The following RAB25 variants were observed in gnomAD, a reference collection of about 807,000 sequenced individuals.
RAB25 encodes ras-related protein Rab-25.
A neutral mutation model predicts 25.2 loss-of-function variants in RAB25; 23 were observed. That is an observed-to-expected ratio of 0.91 (90% CI 0.66 to 1.29). The LOEUF (loss-of-function observed/expected upper bound fraction) is 1.29. Among genes scored for constraint, RAB25 ranks in the 50% most tolerant of loss-of-function variants. The pLI is 0.00. For missense variants in RAB25, 244 were observed against 277.3 expected (o/e 0.88, Z 0.85); for synonymous variants, 102 against 111.5 (o/e 0.91, Z 0.54).
At chr1:156,066,488 A>G (rs1572293274) in intron 2 of RAB25, among the ~76,000 whole-genome samples, 1 of 152,206 alleles carries the variant, frequency 6.6e-6, no homozygotes, top group East Asian at 1.9e-4. Flanking sequence ...GATGGGGGCG[A>G]GCTGCACGGA....
chr1:156,069,394 C>T (rs1355496128), intron 3 of RAB25, among the ~76,000 whole-genome samples: 24 of 151,864 alleles, frequency 1.6e-4, no homozygotes, highest in African/African-American at 5.3e-4. Context: ...TTGGCCAAGC[C>T]GGTCTTGAAC....
chr1:156,062,150 G>A (rs1190355644), intron 1 of RAB25, among the ~76,000 whole-genome samples: 1 of 152,182 alleles, frequency 6.6e-6, no homozygotes, highest in African/African-American at 2.4e-5. Context: ...CTGGGCAGGT[G>A]TACAGGGAAC....
In RAB25 at chr1:156,065,257, G is replaced by A. The variant is rs910556943; in HGVS notation, c.44-654G>A. Among the ~76,000 whole-genome samples the A allele has an allele frequency of 2.0e-5, 3 of 152,110 alleles. 1 individual carries two copies. In the South Asian group the frequency reaches 6.2e-4, roughly 32 times the overall value. The stretch of plus-strand genomic sequence containing the variant: ...GCTCAGATTGGTTAAATAACTTGCC[G>A]AAGGACACATAGCTGGTCTAACACC... On this transcript the variant is annotated intron_variant, in intron 1 of 4. Coordinates refer to ENST00000361084, the MANE Select transcript of RAB25 (RefSeq NM_020387.4).
At chr1:156,061,513 G>A (rs1287312931) in intron 1 of RAB25, 70 bp downstream of exon 1, 3 of 1,511,896 alleles carry the variant, frequency 2.0e-6, no homozygotes, top group Non-Finnish European at 2.8e-6. Context: ...AGCCAGAGAG[G>A]GCCCCCTCCT....
At chr1:156,070,120 C>T in intron 4 of RAB25, 40 bp from the exon 5 acceptor site, 2 of 1,614,012 alleles carry the variant, frequency 1.2e-6, no homozygotes, top group Non-Finnish European at 1.7e-6. Flanking sequence ...AGCATGGGCT[C>T]TAAATCTTCT....
At chr1:156,066,131 T>C in intron 2 of RAB25, 25 bp downstream of exon 2, 1 of 1,417,878 alleles carries the variant, frequency 7.1e-7, no homozygotes, top group Non-Finnish European at 9.3e-7. Context: ...GGGGGGCTGC[T>C]GGGTGGTGGG....
rs1647852648 is a variant in RAB25, at chr1:156,069,758, G to A, written c.514+7G>A. 6.2e-7 allele frequency: 1 copy of A among 1,601,614 alleles called. No individual in the cohort carries two copies. Among genetic ancestry groups the A allele is most frequent in the African/African-American group, 1.3e-5 (1 of 74,592 alleles). ...TTTGAGACTGTCCTGAAAGGTTAGA[G>A]CCTACCTTTATTCTGCACCCCTATT... On this transcript the variant is annotated splice_region_variant and intron_variant, in intron 4 of 4. Coordinates refer to ENST00000361084, the MANE Select transcript of RAB25 (RefSeq NM_020387.4).
Position 156,065,922 on chromosome 1 carries a change from G to A in RAB25, c.55G>A (p.Gly19Ser), listed in dbSNP as rs767232901. 1 of 1,598,150 alleles carries A rather than the reference G, an allele frequency of 6.3e-7. No individual in the cohort carries two copies. The highest frequency in any genetic ancestry group is 8.6e-7 in the Non-Finnish European group (1 of 1,169,272). Residue 19 changes from glycine (G) to serine (S), a missense_variant, in exon 2 of 5, where the codon GGC becomes AGC. By Grantham distance (56) the Gly-to-Ser change is moderately conservative. Transcript: ENST00000361084. Reference protein sequence around the residue: ...YNFVFKVVLIGESGVGKTNLL... With the variant: ...YNFVFKVVLISESGVGKTNLL... ...CTCCACTCCTTCAGTGGTGCTGATC[G>A]GCGAATCAGGTGTGGGGAAGACCAA...
chr1:156,064,429 T>A (rs538089573), intron 1 of RAB25, among the ~76,000 whole-genome samples: 2 of 151,254 alleles, frequency 1.3e-5, no homozygotes, highest in African/African-American at 2.4e-5. Context: ...TTTTCTTTTT[T>A]TTTTTTTGAG....
intron 4 of RAB25, 190 bp from the exon 5 acceptor site, chr1:156,069,970 G>T: frequency 2.1e-6 from 2 of 943,854 alleles, no homozygotes; most frequent in Non-Finnish European, 3.3e-6. Context: ...GCTGACTCTT[G>T]GTTCCTTCTC....
At position 156,070,280 on chromosome 1, in the gene RAB25, G is replaced by A. The variant is rs1478770226; in HGVS notation, c.635G>A (p.Ser212Asn). The A allele has an allele frequency of 1.2e-6, 2 of 1,613,462 alleles. No homozygotes were observed. ...GPGEKRACCI[S>N]L ...GGGGAGAAGAGGGCCTGTTGCATCA[G>A]CCTCTGACCTTGGCCAGCACCACCT... is the stretch of plus-strand genomic sequence containing the variant. Residue 212 changes from serine (S) to asparagine (N), a missense_variant, in exon 5 of 5, where the codon AGC (serine) becomes AAC (asparagine). By Grantham distance (46) the Ser-to-Asn change is conservative (BLOSUM62 1). Coordinates refer to ENST00000361084, the MANE Select transcript of RAB25 (RefSeq NM_020387.4).
intron 4 of RAB25, 151 bp from the exon 5 acceptor site, chr1:156,070,009 G>A (rs1647860922): frequency 8.1e-7 from 1 of 1,234,654 alleles, no homozygotes; most frequent in Admixed American, 2.0e-5. Flanking sequence ...GGACCCCTAT[G>A]TCCACACTTC....
At chr1:156,065,354 CAT>C (rs895583184) in intron 1 of RAB25, among the ~76,000 whole-genome samples, 3 of 152,174 alleles carry the variant, frequency 2.0e-5, no homozygotes, top group African/African-American at 7.2e-5. Flanking sequence ...CTTACACACA[CAT>C]GAGCACACAT....
chr1:156,069,909 C>A, intron 4 of RAB25, 158 bp downstream of exon 4: 1 of 851,172 alleles, frequency 1.2e-6, no homozygotes, highest in Non-Finnish European at 1.9e-6. Context: ...TCCCCAGTGC[C>A]TCCCACTCAG....
chr1:156,065,449 AAC>A (rs1647715596), intron 1 of RAB25, among the ~76,000 whole-genome samples: 1 of 152,014 alleles, frequency 6.6e-6, no homozygotes, highest in East Asian at 1.9e-4. Flanking sequence ...TCCTTATGCA[AAC>A]ACACACACAC....
chr1:156,067,913 C>T (rs543766667), intron 2 of RAB25, among the ~76,000 whole-genome samples: 14 of 152,226 alleles, frequency 9.2e-5, no homozygotes, highest in East Asian at 3.9e-4. Flanking sequence ...CCATCATGCC[C>T]GGCTAATTTT....
At chr1:156,063,222 G>A (rs530391800) in intron 1 of RAB25, among the ~76,000 whole-genome samples, 9 of 151,986 alleles carry the variant, frequency 5.9e-5, no homozygotes, top group Admixed American at 3.9e-4. Flanking sequence ...TGCAATCTCC[G>A]CCTTCCTACA....
chr1:156,061,738 C>T (rs1327979095), intron 1 of RAB25, among the ~76,000 whole-genome samples: 1 of 152,160 alleles, frequency 6.6e-6, no homozygotes, highest in Non-Finnish European at 1.5e-5. Flanking sequence ...CTGGTGTCAG[C>T]CAGTGCAGCA....
chr1:156,063,991 G>A (rs536180937), intron 1 of RAB25, among the ~76,000 whole-genome samples: 1 of 152,280 alleles, frequency 6.6e-6, no homozygotes, highest in African/African-American at 2.4e-5. Context: ...AGGCAAAGTA[G>A]TTTACAAAAG....
Sources: allele counts gnomAD v4.1 joint callset (sites outside exome capture counted in the v4.1 genomes callset), GRCh38; gene constraint gnomAD v4.1.1; transcripts MANE v1.5; gene names NCBI Gene and HGNC (gene_info 2026-07-23, HGNC 2026-07-21).